Variants in GRIN2A observed in about 807,000 individuals in gnomAD.
GRIN2A encodes glutamate ionotropic receptor NMDA type subunit 2A, also known as glutamate receptor ionotropic, NMDA 2A.
In GRIN2A, 22 loss-of-function variants were observed where a neutral mutation model predicts 113.4. That is an observed-to-expected ratio of 0.19 (90% CI 0.14 to 0.28). GRIN2A has a LOEUF of 0.28. GRIN2A is among the 10% of genes least tolerant of loss of function. The probability of loss-of-function intolerance (pLI) is 1.00; values close to 1 mark genes in which losing one functional copy is unlikely to be tolerated. For synonymous variants in GRIN2A, 827 were observed against 738.4 expected (o/e 1.12, Z -1.94); for missense variants, 1,502 against 1,887.0 (o/e 0.80, Z 3.78).
At chr16:9,881,825 C>T (rs1409902928) in intron 4 of GRIN2A, among the ~76,000 whole-genome samples, 2 of 152,142 alleles carry the variant, frequency 1.3e-5, no homozygotes, top group Non-Finnish European at 2.9e-5. Context: ...TTTCTCCCTG[C>T]CGGTAGAATG....
chr16:10,125,917 G>A lies in GRIN2A; in HGVS notation c.414+54081C>T, dbSNP rs796496437. On this transcript the variant is annotated intron_variant, in intron 2 of 12. Coordinates refer to ENST00000330684, the MANE Select transcript of GRIN2A (RefSeq NM_001134407.3). ...TCCCACTCAGAGCAGAAGGAGGTCT[G>A]ACACACTCACACCTGCAGGAAAACT... Among the ~76,000 whole-genome samples the A allele has an allele frequency of 3.3e-5, 5 of 152,046 alleles. No homozygotes were observed. The South Asian group carries it at 8.3e-4, about 25-fold the overall frequency.
At chr16:9,809,063 C>A (rs1378686505) in intron 10 of GRIN2A, among the ~76,000 whole-genome samples, 1 of 152,168 alleles carries the variant, frequency 6.6e-6, no homozygotes, top group East Asian at 1.9e-4. Flanking sequence ...CTGTGACATA[C>A]TGCATAGAGT....
intron 2 of GRIN2A, among the ~76,000 whole-genome samples, chr16:9,951,131 G>A (rs2045169798): frequency 6.6e-6 from 1 of 152,012 alleles, no homozygotes; most frequent in African/African-American, 2.4e-5. Context: ...CCCTTCCCCA[G>A]CACAGTGCTT....
chr16:9,994,899 A>C (rs1209911863), intron 2 of GRIN2A, among the ~76,000 whole-genome samples: 1 of 152,136 alleles, frequency 6.6e-6, no homozygotes, highest in Admixed American at 6.5e-5. Context: ...ATACAACCTC[A>C]TTTCATCTGG....
chr16:10,023,561 C>A (rs1344645047), intron 2 of GRIN2A, among the ~76,000 whole-genome samples: 4 of 152,182 alleles, frequency 2.6e-5, no homozygotes, highest in Non-Finnish European at 5.9e-5. Flanking sequence ...GATGTGAGTA[C>A]TAAGTCCTCA....
chr16:9,842,177 G>A (rs1025161011), intron 5 of GRIN2A, among the ~76,000 whole-genome samples: 8 of 152,114 alleles, frequency 5.3e-5, no homozygotes, highest in African/African-American at 1.9e-4. Flanking sequence ...CTTGAACCCA[G>A]GAGGCGGGGG....
At position 10,132,340 on chromosome 16, in the gene GRIN2A, C is replaced by CAAAAAAAAAAAAAAAAAAAAAAAAA. The variant is rs71402435; in HGVS notation, c.414+47657_414+47658insTTTTTTTTTTTTTTTTTTTTTTTTT. Among the ~76,000 whole-genome samples, 60 of 61,548 alleles carry CAAAAAAAAAAAAAAAAAAAAAAAAA rather than the reference C, an allele frequency of 9.7e-4. 1 individual carries two copies. The highest frequency in any genetic ancestry group is 1.7e-3 in the South Asian group (2 of 1,166). 40.4% of individuals were successfully genotyped at this position (61,548 alleles called of 152,430 possible). On this transcript the variant is annotated intron_variant, in intron 2 of 12. Transcript: ENST00000330684. The stretch of plus-strand genomic sequence containing the variant: ...GAATGAGCAGAACAAGACACCGTCT[C>CAAAAAAAAAAAAAAAAAAAAAAAAA]AAAAAAAAAAAAAAAAAAGATGTGA...
At chr16:10,111,736 G>A (rs2048618551) in intron 2 of GRIN2A, 8 of 1,527,774 alleles carry the variant, frequency 5.2e-6, no homozygotes, top group South Asian at 3.4e-5. Context: ...CACGGACCCC[G>A]TGGTGCTGAG....
intron 2 of GRIN2A, chr16:10,037,349 T>C (rs1437618199): frequency 6.6e-6 from 1 of 152,224 alleles, no homozygotes; most frequent in Non-Finnish European, 1.5e-5. Context: ...AGTTCTTTTG[T>C]GGAAACATGG....
chr16:9,924,311 T>C (rs779898125), intron 3 of GRIN2A, among the ~76,000 whole-genome samples: 2 of 152,180 alleles, frequency 1.3e-5, no homozygotes, highest in Non-Finnish European at 2.9e-5. Flanking sequence ...TTCTAAAAAG[T>C]ATTTCATTTT....
intron 2 of GRIN2A, among the ~76,000 whole-genome samples, chr16:10,091,708 T>C (rs2048188129): frequency 6.6e-6 from 1 of 152,174 alleles, no homozygotes; most frequent in African/African-American, 2.4e-5. Flanking sequence ...AAAACACTGA[T>C]ACATGTGACA....
At chr16:9,944,404 C>T (rs770889733) in intron 2 of GRIN2A, among the ~76,000 whole-genome samples, 5 of 152,078 alleles carry the variant, frequency 3.3e-5, no homozygotes, top group Non-Finnish European at 5.9e-5. Flanking sequence ...AACAACTACT[C>T]CACCACCACC....
chr16:10,128,794 T>C (rs2049000309), intron 2 of GRIN2A, among the ~76,000 whole-genome samples: 1 of 152,098 alleles, frequency 6.6e-6, no homozygotes, highest in Non-Finnish European at 1.5e-5. Context: ...AGCTGAGAAG[T>C]TAAAGAATTT....
chr16:9,806,643 AAGAG>A (rs1407300125), intron 10 of GRIN2A, among the ~76,000 whole-genome samples: 1 of 152,112 alleles, frequency 6.6e-6, no homozygotes, highest in Admixed American at 6.6e-5. Context: ...CGGAGACAGA[AAGAG>A]AGAAAAACGA....
At chr16:10,080,789 A>G (rs1041591339) in intron 2 of GRIN2A, among the ~76,000 whole-genome samples, 10 of 152,140 alleles carry the variant, frequency 6.6e-5, no homozygotes, top group African/African-American at 2.4e-4. Flanking sequence ...ACCCACCTCA[A>G]GGAGGCCCAG....
At chr16:10,151,047 C>T (rs1295231970) in intron 2 of GRIN2A, among the ~76,000 whole-genome samples, 1 of 152,172 alleles carries the variant, frequency 6.6e-6, no homozygotes, top group Non-Finnish European at 1.5e-5. Flanking sequence ...GGGGACTAAA[C>T]AATGATGAAA....
intron 2 of GRIN2A, among the ~76,000 whole-genome samples, chr16:10,158,783 G>A (rs1056311845): frequency 1.3e-5 from 2 of 152,160 alleles, no homozygotes; most frequent in South Asian, 2.1e-4. Context: ...GATCGTAACT[G>A]CTTGATGGTT....
chr16:10,084,495 C>T (rs1191866030), intron 2 of GRIN2A, among the ~76,000 whole-genome samples: 1 of 152,152 alleles, frequency 6.6e-6, no homozygotes, highest in African/African-American at 2.4e-5. Flanking sequence ...TTTAGAATTC[C>T]TGTTCATAGG....
At position 9,762,782 on chromosome 16, in the gene GRIN2A, G is replaced by A. The variant is rs1284153834; in HGVS notation, c.*367C>T. ...GGCATTTCTGATGAGAAAATTACATGGTGGGCTGACCTTAATGGAATTTGG... is the reference window on the plus strand; with the variant it reads ...GGCATTTCTGATGAGAAAATTACATAGTGGGCTGACCTTAATGGAATTTGG... On this transcript the variant is annotated 3_prime_UTR_variant, in exon 13 of 13. Coordinates refer to ENST00000330684, the MANE Select transcript of GRIN2A (RefSeq NM_001134407.3). 2 of 401,016 alleles carry A rather than the reference G, an allele frequency of 5.0e-6. No individual in the cohort carries two copies. The highest frequency in any genetic ancestry group is 4.2e-5 in the East Asian group (1 of 23,838). 24.8% of individuals were successfully genotyped at this position (401,016 alleles called of 1,614,324 possible).
Sources: gnomAD v4.1 joint callset for allele counts (sites outside exome capture counted in the v4.1 genomes callset) on GRCh38, gnomAD v4.1.1 for gene constraint, MANE v1.5 for transcripts, NCBI Gene and HGNC (gene_info 2026-07-23, HGNC 2026-07-21) for gene names.